TMEM151B: variants seen among roughly 807,000 people sequenced by gnomAD.
TMEM151B encodes transmembrane protein 193.
Under a neutral mutation model 33.0 loss-of-function variants are expected in TMEM151B, and 18 were observed. The observed-to-expected ratio is 0.55, with a 90% confidence interval of 0.38 to 0.81. The LOEUF (loss-of-function observed/expected upper bound fraction) is 0.81. Among genes scored for constraint, TMEM151B ranks in the 30% least tolerant of loss-of-function variants. The probability of loss-of-function intolerance (pLI) is 0.00; values close to 1 mark genes in which losing one functional copy is unlikely to be tolerated. For missense variants in TMEM151B, 672 were observed against 843.4 expected (o/e 0.80, Z 2.52); for synonymous variants, 354 against 373.6 (o/e 0.95, Z 0.61).
In TMEM151B at chr6:44,275,554, T is replaced by C; in HGVS notation, c.728T>C (p.Val243Ala). 6.4e-7 allele frequency: 1 copy of C among 1,550,660 alleles called. No individual in the cohort carries two copies. The highest frequency in any genetic ancestry group is 8.7e-7 in the Non-Finnish European group (1 of 1,146,628). Residue 243 changes from valine to alanine, a missense_variant, in exon 3 of 3, where the codon GTG becomes GCG. Physicochemically the swap from Val to Ala is moderately conservative, Grantham distance 64. Transcript: ENST00000451188. ...RFTKCFSFAS[V>A]EAENAYLCQR... ...ACCAAGTGCTTCAGTTTCGCCAGCG[T>C]GGAGGCCGAGAACGCGTACCTGTGC... is the stretch of plus-strand genomic sequence containing the variant.
At position 44,279,162 on chromosome 6, in the gene TMEM151B, A is replaced by T. The variant is rs890841569; in HGVS notation, c.*2635A>T. On this transcript the variant is annotated 3_prime_UTR_variant, in exon 3 of 3. Coordinates refer to ENST00000451188, the MANE Select transcript of TMEM151B (RefSeq NM_001137560.2). Reference sequence around the variant, plus strand: ...AGGATGGGCAATGGCGCTCAGCCTGAATCAGTCAGCTAGGTCTCTTGTGGC... The same window carrying T: ...AGGATGGGCAATGGCGCTCAGCCTGTATCAGTCAGCTAGGTCTCTTGTGGC... 4 of 152,332 alleles carry T rather than the reference A, an allele frequency of 2.6e-5. No individual in the cohort carries two copies. Among genetic ancestry groups the T allele is most frequent in the African/African-American group, 9.6e-5 (4 of 41,468 alleles). 9.4% of individuals were successfully genotyped at this position (152,332 alleles called of 1,614,324 possible). A position where few individuals can be genotyped will look rare whatever the true frequency, so the allele number is the denominator to read the frequency against.
rs1782574600 is a variant in TMEM151B at position 44,276,062 on chromosome 6, GT to G, written c.1237del (p.Cys413AlafsTer6). Reference sequence around the variant, plus strand: ...GGGCAGGCGGCGGCTACGCGCCCTCGTGCCGCTACGGTGGGGTAGGCGGCCC... The same window carrying G: ...GGGCAGGCGGCGGCTACGCGCCCTCGGCCGCTACGGTGGGGTAGGCGGCCC... ...GGAGGGYAPS[C>X]RYGGVGGPGA... On this transcript the variant is annotated frameshift_variant, in exon 3 of 3. Coordinates refer to ENST00000451188, the MANE Select transcript of TMEM151B (RefSeq NM_001137560.2). LOFTEE classifies it low-confidence loss of function (END_TRUNC). The G allele has an allele frequency of 1.5e-6, 2 of 1,342,500 alleles. No individual in the cohort carries two copies. Among genetic ancestry groups the G allele is most frequent in the Non-Finnish European group, 1.9e-6 (2 of 1,054,044 alleles). 83.2% of individuals were successfully genotyped at this position (1,342,500 alleles called of 1,614,324 possible). A position where few individuals can be genotyped will look rare whatever the true frequency, so the allele number is the denominator to read the frequency against.
At chr6:44,272,411 A>G (rs768394051) in intron 1 of TMEM151B, among the ~76,000 whole-genome samples, 1 of 152,060 alleles carries the variant, frequency 6.6e-6, no homozygotes, top group Non-Finnish European at 1.5e-5. Flanking sequence ...GAACATGGGG[A>G]ATGAGACTGG....
rs1281874329 is a variant in TMEM151B, at chr6:44,273,394, G to T, written c.464G>T (p.Arg155Leu). 3 of 1,551,032 alleles carry T rather than the reference G, an allele frequency of 1.9e-6. No individual in the cohort carries two copies. Among genetic ancestry groups the T allele is most frequent in the Non-Finnish European group, 2.6e-6 (3 of 1,147,004 alleles). The change falls in exon 2 of 3, where the codon CGC becomes CTC. Residue 155 changes from arginine to leucine, a missense_variant. By Grantham distance (102) the Arg-to-Leu change is moderately radical. Transcript: ENST00000451188. ...DVSSVRERVG[R>L]MQQATPCIWW... Reference sequence around the variant, plus strand: ...AGCAGTGTGCGGGAACGTGTGGGCCGCATGCAGCAAGCCACGCCCTGCATC... The same window carrying T: ...AGCAGTGTGCGGGAACGTGTGGGCCTCATGCAGCAAGCCACGCCCTGCATC...
In TMEM151B at chr6:44,276,092, C is replaced by A; in HGVS notation, c.1266C>A (p.Gly422=). 2 of 1,320,282 alleles carry A rather than the reference C, an allele frequency of 1.5e-6. No homozygotes were observed. The highest frequency in any genetic ancestry group is 1.9e-6 in the Non-Finnish European group (2 of 1,043,582). 81.8% of individuals were successfully genotyped at this position (1,320,282 alleles called of 1,614,324 possible). A position where few individuals can be genotyped will look rare whatever the true frequency, so the allele number is the denominator to read the frequency against. ...SCRYGGVGGP[G]AAGVAPYRRS... Reference sequence around the variant, plus strand: ...GCTACGGTGGGGTAGGCGGCCCGGGCGCGGCGGGCGTGGCTCCCTACCGGC... The same window carrying A: ...GCTACGGTGGGGTAGGCGGCCCGGGAGCGGCGGGCGTGGCTCCCTACCGGC... Residue 422 remains glycine, a synonymous_variant, in exon 3 of 3, where the codon GGC becomes GGA. Coordinates refer to ENST00000451188, the MANE Select transcript of TMEM151B (RefSeq NM_001137560.2).
In TMEM151B at chr6:44,275,597, C is replaced by T. The variant is rs769817811; in HGVS notation, c.771C>T (p.Phe257=). ...ACCTGTGCCAGCGCGCGCGCTTCTTCGCAGAGAACGAGGGCCTAGACGACT... is the reference window on the plus strand; with the variant it reads ...ACCTGTGCCAGCGCGCGCGCTTCTTTGCAGAGAACGAGGGCCTAGACGACT... ...NAYLCQRARF[F]AENEGLDDYM... The change falls in exon 3 of 3, where the codon TTC becomes TTT. Residue 257 remains phenylalanine, a synonymous_variant. Coordinates refer to ENST00000451188, the MANE Select transcript of TMEM151B (RefSeq NM_001137560.2). 7 of 1,551,136 alleles carry T rather than the reference C, an allele frequency of 4.5e-6. No individual in the cohort carries two copies. Among genetic ancestry groups the T allele is most frequent in the Non-Finnish European group, 6.1e-6 (7 of 1,146,740 alleles).
rs535594597 is a variant in TMEM151B at position 44,275,434 on chromosome 6, C to T, written c.608C>T (p.Ala203Val). The T allele has an allele frequency of 7.9e-5, 121 of 1,535,268 alleles. No homozygotes were observed. The highest frequency in any genetic ancestry group is 9.6e-5 in the Non-Finnish European group (109 of 1,135,890). ...CACGAACGCGTCAACACGCACGTGG[C>T]GGAGGCTGAGTTCGACTACGCGCGC... Reference protein sequence around the residue: ...VYHERVNTHVAEAEFDYARCG... With the variant: ...VYHERVNTHVVEAEFDYARCG... The change falls in exon 3 of 3, where the codon GCG becomes GTG. Residue 203 changes from alanine to valine, a missense_variant. By Grantham distance (64) the Ala-to-Val change is moderately conservative. Transcript: ENST00000451188.
rs568284626 is a variant in TMEM151B, at chr6:44,274,192, C to CA, written c.576+697dup. ...ATTGCCACAGTGCAAGACCCCATCT[C>CA]AAAAAAAAAAATAAAAATAAAAATA... On this transcript the variant is annotated intron_variant, in intron 2 of 2. Transcript: ENST00000451188. Among the ~76,000 whole-genome samples the CA allele has an allele frequency of 8.0e-3, 1,148 of 143,922 alleles. 9 individuals carry two copies. The highest frequency in any genetic ancestry group is 0.016 in the South Asian group (74 of 4,572). The allele number at this position is 143,922 out of a possible 152,430, so 94.4% of individuals were successfully genotyped here.
chr6:44,272,651 G>C (rs1462381049), intron 1 of TMEM151B, among the ~76,000 whole-genome samples: 1 of 152,118 alleles, frequency 6.6e-6, no homozygotes. Flanking sequence ...GCTGATGCCT[G>C]TCTGTCTGTC....
intron 2 of TMEM151B, 84 bp downstream of exon 2, chr6:44,273,590 G>T: frequency 7.0e-7 from 1 of 1,422,682 alleles, no homozygotes; most frequent in Non-Finnish European, 9.4e-7. Context: ...ACCTCCCTGG[G>T]GGGAAGGTGG....
Position 44,276,454 on chromosome 6 carries a change from G to C in TMEM151B, c.1628G>C (p.Arg543Pro). The C allele has an allele frequency of 6.7e-7, 1 of 1,487,626 alleles. No individual in the cohort carries two copies. 92.2% of individuals were successfully genotyped at this position (1,487,626 alleles called of 1,614,324 possible). ...ALYFPVLIVHRQEGCLGHSHR... is the reference protein window; with the variant it reads ...ALYFPVLIVHPQEGCLGHSHR... ...TACTTTCCGGTCCTCATCGTCCACCGGCAGGAGGGGTGTCTGGGCCACAGC... is the reference window on the plus strand; with the variant it reads ...TACTTTCCGGTCCTCATCGTCCACCCGCAGGAGGGGTGTCTGGGCCACAGC... The change falls in exon 3 of 3, where the codon CGG becomes CCG. Residue 543 changes from arginine (R) to proline (P), a missense_variant. Transcript: ENST00000451188.
Position 44,276,754 on chromosome 6 carries a change from T to TG in TMEM151B, c.*229dup. 2.2e-6 allele frequency: 2 copies of TG among 913,170 alleles called. No individual in the cohort carries two copies. Among genetic ancestry groups the TG allele is most frequent in the Non-Finnish European group, 2.9e-6 (2 of 699,630 alleles). The allele number at this position is 913,170 out of a possible 1,614,324, so 56.6% of individuals were successfully genotyped here. On this transcript the variant is annotated 3_prime_UTR_variant, in exon 3 of 3. Transcript: ENST00000451188. ...GGTCGGCTGCTCCCCGAGATCCCCC[T>TG]GGCAGAGTCATTCTTCCAGCCCCAA... is the stretch of plus-strand genomic sequence containing the variant.
In TMEM151B at chr6:44,276,454, G is replaced by T; in HGVS notation, c.1628G>T (p.Arg543Leu). Residue 543 changes from arginine (R) to leucine (L), a missense_variant, in exon 3 of 3, where the codon CGG (arginine) becomes CTG (leucine). By Grantham distance (102) the Arg-to-Leu change is moderately radical. Transcript: ENST00000451188. ...ALYFPVLIVH[R>L]QEGCLGHSHR... is the part of the protein sequence containing the mutation. ...TACTTTCCGGTCCTCATCGTCCACCGGCAGGAGGGGTGTCTGGGCCACAGC... is the reference window on the plus strand; with the variant it reads ...TACTTTCCGGTCCTCATCGTCCACCTGCAGGAGGGGTGTCTGGGCCACAGC... The T allele has an allele frequency of 6.7e-7, 1 of 1,487,626 alleles. No individual in the cohort carries two copies. Among genetic ancestry groups the T allele is most frequent in the East Asian group, 2.7e-5 (1 of 36,450 alleles). The allele number at this position is 1,487,626 out of a possible 1,614,324, so 92.2% of individuals were successfully genotyped here. A position where few individuals can be genotyped will look rare whatever the true frequency, so the allele number is the denominator to read the frequency against.
chr6:44,274,473 C>T (rs993764447), intron 2 of TMEM151B, among the ~76,000 whole-genome samples: 1 of 152,140 alleles, frequency 6.6e-6, no homozygotes, highest in Non-Finnish European at 1.5e-5. Context: ...TTTGTGGACT[C>T]GCCAGGATGA....
At position 44,271,372 on chromosome 6, in the gene TMEM151B, G is replaced by GGGGGA. The variant is rs1234226495; in HGVS notation, c.135+499_135+500insAGGGG. On this transcript the variant is annotated intron_variant, in intron 1 of 2. Transcript: ENST00000451188. ...GGGAGTGTGTGTGTGTGTGTGTGGG[G>GGGGGA]GGGGGTGTGCACCTCTCTCTCACGA... Among the ~76,000 whole-genome samples, 5 of 119,690 alleles carry GGGGGA rather than the reference G, an allele frequency of 4.2e-5. 1 individual carries two copies. The East Asian group carries it at 9.6e-4, about 23-fold the overall frequency. The allele number at this position is 119,690 out of a possible 152,430, so 78.5% of individuals were successfully genotyped here. A position where few individuals can be genotyped will look rare whatever the true frequency, so the allele number is the denominator to read the frequency against.
chr6:44,274,588 C>T (rs988743936), intron 2 of TMEM151B, among the ~76,000 whole-genome samples: 2 of 152,122 alleles, frequency 1.3e-5, no homozygotes, highest in South Asian at 4.1e-4. Context: ...AGGAAGGAGG[C>T]TGATGATAGC....
chr6:44,273,949 T>G (rs754635806), intron 2 of TMEM151B, among the ~76,000 whole-genome samples: 22 of 152,204 alleles, frequency 1.4e-4, no homozygotes, highest in Non-Finnish European at 2.8e-4. Flanking sequence ...GTGTGGTGGC[T>G]CAGGCCTGTA....
rs1272152986 is a variant in TMEM151B, at chr6:44,273,169, C to T, written c.239C>T (p.Ala80Val). Residue 80 changes from alanine (A) to valine (V), a missense_variant, in exon 2 of 3, where the codon GCC (alanine) becomes GTC (valine). By Grantham distance (64) the Ala-to-Val change is moderately conservative (BLOSUM62 0). This residue lies in a region of TMEM151B where 285 missense variants were observed against 423.1 expected (regional missense o/e 0.67). Transcript: ENST00000451188. Reference sequence around the variant, plus strand: ...ATGTACGGCTGCCTGGGGGCAGTGGCCTGGTGCCACGTCACCACAGTGACG... The same window carrying T: ...ATGTACGGCTGCCTGGGGGCAGTGGTCTGGTGCCACGTCACCACAGTGACG... The part of the protein sequence containing the change: ...LLMYGCLGAV[A>V]WCHVTTVTRL... 6 of 1,546,304 alleles carry T rather than the reference C, an allele frequency of 3.9e-6. No individual in the cohort carries two copies. The Admixed American group carries it at 1.2e-4, about 30-fold the overall frequency.
chr6:44,272,933 A>C, intron 1 of TMEM151B, 133 bp from the exon 2 acceptor site: 1 of 775,080 alleles, frequency 1.3e-6, no homozygotes, highest in Non-Finnish European at 2.0e-6. Flanking sequence ...TTCTCTCCAT[A>C]TCCCTGTTTC....
Sources: allele counts gnomAD v4.1 joint callset (sites outside exome capture counted in the v4.1 genomes callset), GRCh38; gene constraint gnomAD v4.1.1; regional missense constraint gnomAD v4.1.1; transcripts MANE v1.5; gene names NCBI Gene and HGNC (gene_info 2026-07-23, HGNC 2026-07-21).